The following KLHL14 variants were observed in gnomAD, a reference collection of about 807,000 sequenced individuals.
KLHL14 encodes the protein kelch like family member 14, also known as kelch-like protein 14.
KLHL14 carries 22 observed loss-of-function variants against 64.3 expected under a neutral mutation model. The observed-to-expected ratio is 0.34, with a 90% confidence interval of 0.24 to 0.49. KLHL14 has a LOEUF of 0.49. KLHL14 is among the 20% of genes least tolerant of loss of function. KLHL14 has a pLI of 0.99. For synonymous variants in KLHL14, 322 were observed against 333.4 expected, an observed-to-expected ratio of 0.97 and a Z score of 0.37; for missense variants, 661 against 789.0, an observed-to-expected ratio of 0.84 and a Z score of 1.94.
At chr18:32,753,349 T>C (rs905332889) in intron 2 of KLHL14, among the ~76,000 whole-genome samples, 4 of 152,316 alleles carry the variant, frequency 2.6e-5, no homozygotes, top group African/African-American at 9.6e-5. Context: ...TTGTTGGCTG[T>C]TGCTTTACAC....
intron 2 of KLHL14, among the ~76,000 whole-genome samples, chr18:32,754,608 T>C (rs1191600752): frequency 6.6e-6 from 1 of 152,150 alleles, no homozygotes; most frequent in East Asian, 1.9e-4. Flanking sequence ...CGATCCAAAG[T>C]CCAATTTCAT....
At chr18:32,700,679 G>A (rs1057331970) in intron 3 of KLHL14, among the ~76,000 whole-genome samples, 14 of 152,108 alleles carry the variant, frequency 9.2e-5, no homozygotes, top group African/African-American at 2.4e-4. Flanking sequence ...TGGGGAGGTC[G>A]TGGTAAGCAG....
chr18:32,726,291 A>G (rs896760920), intron 3 of KLHL14, among the ~76,000 whole-genome samples: 14 of 152,176 alleles, frequency 9.2e-5, no homozygotes, highest in African/African-American at 3.4e-4. Context: ...TCACAGAAAA[A>G]GTTTGAGGAC....
rs773404632 is a variant in KLHL14, at chr18:32,677,168, C to T, written c.1746+5G>A. 3 of 1,609,920 alleles carry T rather than the reference C, an allele frequency of 1.9e-6. No individual in the cohort carries two copies. The highest frequency in any genetic ancestry group is 3.4e-5 in the Admixed American group (2 of 59,144). On this transcript the variant is annotated splice_donor_5th_base_variant and intron_variant, in intron 8 of 8. Transcript: ENST00000359358. Reference sequence around the variant, plus strand: ...AAGGAGGATGCAGTAAATGTGGACACATACCATACTCCAGCTGTAGCCTCC... The same window carrying T: ...AAGGAGGATGCAGTAAATGTGGACATATACCATACTCCAGCTGTAGCCTCC...
intron 4 of KLHL14, among the ~76,000 whole-genome samples, chr18:32,689,759 A>G (rs2049897957): frequency 2.0e-5 from 3 of 152,218 alleles, no homozygotes; most frequent in Admixed American, 6.5e-5. Flanking sequence ...GACAGAATAT[A>G]TAAGTTGCAG....
At chr18:32,745,359 G>A (rs1026707986) in intron 2 of KLHL14, 1 of 152,154 alleles carries the variant, frequency 6.6e-6, no homozygotes, top group African/African-American at 2.4e-5. Context: ...GTAAGAAGTT[G>A]GATCATACAG....
chr18:32,768,711 C>A (rs569634623), intron 2 of KLHL14, among the ~76,000 whole-genome samples: 1 of 152,214 alleles, frequency 6.6e-6, no homozygotes, highest in South Asian at 2.1e-4. Context: ...TTGTCAATTC[C>A]TACAGCCTTT....
At chr18:32,690,229 CA>C (rs1336718221) in intron 4 of KLHL14, among the ~76,000 whole-genome samples, 2 of 152,134 alleles carry the variant, frequency 1.3e-5, no homozygotes, top group Non-Finnish European at 2.9e-5. Context: ...ACCGGCAAAA[CA>C]GTGGATTACT....
At chr18:32,715,381 A>T (rs1169306360) in intron 3 of KLHL14, among the ~76,000 whole-genome samples, 1 of 152,166 alleles carries the variant, frequency 6.6e-6, no homozygotes, top group African/African-American at 2.4e-5. Context: ...CATTAAATTC[A>T]CTTTTCCAAG....
chr18:32,741,123 T>C (rs1171054839), intron 3 of KLHL14, among the ~76,000 whole-genome samples: 1 of 152,246 alleles, frequency 6.6e-6, no homozygotes, highest in Non-Finnish European at 1.5e-5. Context: ...ATTTTATCTA[T>C]ACAGCTCTGG....
At chr18:32,714,478 G>A (rs2050034972) in intron 3 of KLHL14, among the ~76,000 whole-genome samples, 2 of 152,122 alleles carry the variant, frequency 1.3e-5, no homozygotes, top group Non-Finnish European at 2.9e-5. Context: ...TTAAAGCAGA[G>A]TAATTATAGA....
intron 3 of KLHL14, among the ~76,000 whole-genome samples, chr18:32,702,947 A>G (rs2049973691): frequency 6.6e-6 from 1 of 152,220 alleles, no homozygotes; most frequent in African/African-American, 2.4e-5. Context: ...AAGAACGAAG[A>G]GAGCTTGTCT....
intron 2 of KLHL14, among the ~76,000 whole-genome samples, chr18:32,761,365 C>T (rs1020609428): frequency 4.7e-5 from 7 of 149,464 alleles, no homozygotes; most frequent in Non-Finnish European, 7.4e-5. Context: ...TTGGACAACC[C>T]CTCTTGCCAC....
At chr18:32,761,291 TC>T (rs996682573) in intron 2 of KLHL14, among the ~76,000 whole-genome samples, 27 of 152,200 alleles carry the variant, frequency 1.8e-4, no homozygotes, top group African/African-American at 6.5e-4. Context: ...TGCTGATTTT[TC>T]CATTTTAAAA....
chr18:32,702,470 C>T (rs1412588592), intron 3 of KLHL14, among the ~76,000 whole-genome samples: 2 of 151,400 alleles, frequency 1.3e-5, no homozygotes, highest in Non-Finnish European at 2.9e-5. Flanking sequence ...AGCAAGCTGG[C>T]TAATGCATTT....
rs1389172063 is a variant in KLHL14, at chr18:32,703,763, T to C, written c.1070-8211A>G. ...TCACTAATATATTCCTAAATTATGA[T>C]CGTGTTATTTTAATATCAACGGTTT... On this transcript the variant is annotated intron_variant, in intron 3 of 8. Transcript: ENST00000359358. Among the ~76,000 whole-genome samples, 4 of 152,214 alleles carry C rather than the reference T, an allele frequency of 2.6e-5. No individual in the cohort carries two copies. In the East Asian group the frequency reaches 7.7e-4, roughly 29 times the overall value.
At chr18:32,734,368 C>G (rs2050152434) in intron 3 of KLHL14, 1 of 646,534 alleles carries the variant, frequency 1.5e-6, no homozygotes, top group Admixed American at 2.3e-5. Flanking sequence ...GCCTGGATCC[C>G]TGAATGACTC....
intron 7 of KLHL14, among the ~76,000 whole-genome samples, chr18:32,679,167 T>A (rs79481808): frequency 0.022 from 3,320 of 152,232 alleles, 108 homozygotes; most frequent in African/African-American, 0.055. Context: ...GAACATGAAC[T>A]TGACGAATGA....
At chr18:32,675,070 A>C (rs553033879) in intron 8 of KLHL14, among the ~76,000 whole-genome samples, 3 of 152,226 alleles carry the variant, frequency 2.0e-5, no homozygotes, top group Admixed American at 2.0e-4. Context: ...CAAATCCTAA[A>C]TTGGCTGGGC....
Sources: gnomAD v4.1 joint callset for allele counts (sites outside exome capture counted in the v4.1 genomes callset) on GRCh38, gnomAD v4.1.1 for gene constraint, MANE v1.5 for transcripts, NCBI Gene and HGNC (gene_info 2026-07-23, HGNC 2026-07-21) for gene names.